Variants in POLR3E observed in about 807,000 individuals in gnomAD.
POLR3E encodes DNA-directed RNA polymerase III subunit RPC5.
In POLR3E, 41 loss-of-function variants were observed where a neutral mutation model predicts 96.6. That is an observed-to-expected ratio of 0.42 (90% confidence interval 0.33 to 0.55). The LOEUF (loss-of-function observed/expected upper bound fraction) is 0.55. Among genes scored for constraint, POLR3E ranks in the 20% least tolerant of loss-of-function variants. The pLI is 0.06. For synonymous variants in POLR3E, 396 were observed against 383.6 expected (o/e 1.03, Z -0.38); for missense variants, 849 against 952.1 (o/e 0.89, Z 1.43).
At chr16:22,297,899 A>AG (rs948481843) in intron 1 of POLR3E, among the ~76,000 whole-genome samples, 19 of 152,284 alleles carry the variant, frequency 1.2e-4, no homozygotes, top group South Asian at 2.1e-4. Context: ...GGGCGTGAGA[A>AG]GGGGGGCCTG....
At chr16:22,306,562 T>C (rs1410250271) in intron 3 of POLR3E, among the ~76,000 whole-genome samples, 1 of 152,224 alleles carries the variant, frequency 6.6e-6, no homozygotes, top group Non-Finnish European at 1.5e-5. Flanking sequence ...CAATATTTGA[T>C]CTTTTACTGA....
rs761953500 is a variant in POLR3E, at chr16:22,326,391, C to T, written c.1866+113C>T. 23 of 907,690 alleles carry T rather than the reference C, an allele frequency of 2.5e-5. No homozygotes were observed. In the South Asian group the frequency reaches 2.7e-4, roughly 11 times the overall value. 56.2% of individuals were successfully genotyped at this position (907,690 alleles called of 1,614,324 possible). ...CATGCTTGGTGAGCATCTGCTCTCA[C>T]GTGGGCCTAGGTGTGACATGGGCAA... On this transcript the variant is annotated intron_variant, in intron 18 of 20. Coordinates refer to ENST00000299853, the MANE Select transcript of POLR3E (RefSeq NM_018119.4).
intron 20 of POLR3E, among the ~76,000 whole-genome samples, chr16:22,332,967 CTTTTTTTTT>C (rs1166614906): frequency 5.5e-5 from 4 of 73,062 alleles, no homozygotes; most frequent in South Asian, 6.3e-4. Context: ...CGTAGACCCC[CTTTTTTTTT>C]TTTTTTTTTT....
rs2048479335 is a variant in POLR3E, at chr16:22,321,956, G to T, written c.987-894G>T. 2.6e-5 allele frequency among the ~76,000 whole-genome samples: 4 copies of T among 152,238 alleles called. No homozygotes were observed. The South Asian group carries it at 8.3e-4, about 31-fold the overall frequency. On this transcript the variant is annotated intron_variant, in intron 13 of 20. Transcript: ENST00000299853. Reference sequence around the variant, plus strand: ...GGCTAGACTGCTCGTTCTGTGCCATGGACCGGGCTCTCATTCAGACACTGC... The same window carrying T: ...GGCTAGACTGCTCGTTCTGTGCCATTGACCGGGCTCTCATTCAGACACTGC...
intron 6 of POLR3E, 46 bp downstream of exon 6, chr16:22,309,556 G>A (rs183530860): frequency 1.5e-6 from 2 of 1,335,916 alleles, no homozygotes; most frequent in Non-Finnish European, 2.2e-6. Flanking sequence ...GCATTGGGGG[G>A]GGCTGGGCAG....
intron 19 of POLR3E, among the ~76,000 whole-genome samples, chr16:22,331,091 G>A (rs552405901): frequency 2.9e-4 from 36 of 125,624 alleles, no homozygotes; most frequent in African/African-American, 5.8e-4. Flanking sequence ...TGCAACCTCC[G>A]CCTCAGCCTC....
At chr16:22,326,730 TAGTAG>T (rs2048603729) in intron 18 of POLR3E, 1 of 213,024 alleles carries the variant, frequency 4.7e-6, no homozygotes, top group Admixed American at 5.4e-5. Context: ...ACCTAGGAGG[TAGTAG>T]AGCTGGAATT....
chr16:22,299,729 T>G (rs1261976549), intron 1 of POLR3E, among the ~76,000 whole-genome samples: 1 of 151,966 alleles, frequency 6.6e-6, no homozygotes, highest in African/African-American at 2.4e-5. Flanking sequence ...TTCCCCCCAG[T>G]AGAGATCGAG....
intron 16 of POLR3E, 69 bp from the exon 17 acceptor site, chr16:22,325,136 G>A: frequency 8.1e-7 from 1 of 1,230,414 alleles, no homozygotes; most frequent in Non-Finnish European, 1.2e-6. Context: ...CTAAGGGGTG[G>A]TTGTTTCTCT....
intron 13 of POLR3E, among the ~76,000 whole-genome samples, chr16:22,319,405 GTT>G (rs756752910): frequency 6.9e-6 from 1 of 144,684 alleles, no homozygotes; most frequent in African/African-American, 2.5e-5. Context: ...TTGTTTTTTT[GTT>G]TTTTTTTTTG....
At chr16:22,298,521 C>T (rs988544224) in intron 1 of POLR3E, among the ~76,000 whole-genome samples, 10 of 152,186 alleles carry the variant, frequency 6.6e-5, no homozygotes, top group African/African-American at 2.2e-4. Flanking sequence ...CAAACCCAGA[C>T]AACTCAGGTG....
chr16:22,313,510 A>C lies in POLR3E; in HGVS notation c.365-110A>C. The C allele has an allele frequency of 1.9e-5, 13 of 677,452 alleles. No individual in the cohort carries two copies. The highest frequency in any genetic ancestry group is 2.9e-5 in the Non-Finnish European group (11 of 373,386). The allele number at this position is 677,452 out of a possible 1,614,324, so 42.0% of individuals were successfully genotyped here. The stretch of plus-strand genomic sequence containing the variant: ...TCTAGGATTGGGGGCTGCAGCGGGA[A>C]TGGGAGGCGGTTTGATGGTGGGCCT... On this transcript the variant is annotated intron_variant, in intron 6 of 20. Coordinates refer to ENST00000299853, the MANE Select transcript of POLR3E (RefSeq NM_018119.4). The surrounding 1 kb of genome is among the most constrained non-coding windows in gnomAD (Gnocchi z 4.1).
intron 1 of POLR3E, chr16:22,299,128 G>A: frequency 2.2e-6 from 1 of 447,548 alleles, no homozygotes; most frequent in Non-Finnish European, 4.5e-6. Context: ...TTAAAATAGG[G>A]TGGTCAGGGA....
intron 16 of POLR3E, 113 bp downstream of exon 16, chr16:22,324,773 A>C (rs1225547629): frequency 8.3e-7 from 1 of 1,200,424 alleles, no homozygotes; most frequent in Non-Finnish European, 1.2e-6. Flanking sequence ...ATCTGGGGAG[A>C]GCGCAGTTGG....
chr16:22,334,011 G>A lies in POLR3E; in HGVS notation c.*311G>A. 3.3e-6 allele frequency: 1 copy of A among 300,330 alleles called. No individual in the cohort carries two copies. Among genetic ancestry groups the A allele is most frequent in the Non-Finnish European group, 6.1e-6 (1 of 163,534 alleles). The allele number at this position is 300,330 out of a possible 1,614,324, so 18.6% of individuals were successfully genotyped here. On this transcript the variant is annotated 3_prime_UTR_variant, in exon 21 of 21. Coordinates refer to ENST00000299853, the MANE Select transcript of POLR3E (RefSeq NM_018119.4). ...ATAAAGAGAGTGTATACTGACATGG[G>A]CAGGATGATAAAAATCATGGTTTAA... is the stretch of plus-strand genomic sequence containing the variant.
chr16:22,315,259 GGTCATGGTGTGGCCTCCGT>G (rs1408241605), intron 9 of POLR3E, 51 bp downstream of exon 9: 83 of 1,540,464 alleles, frequency 5.4e-5, no homozygotes, highest in Non-Finnish European at 7.1e-5. Context: ...TGCCCGGAAG[GGTCATGGTGTGGCCTCCGT>G]GTCTCACCTT....
At chr16:22,330,697 C>T (rs1235244625) in intron 19 of POLR3E, among the ~76,000 whole-genome samples, 1 of 152,102 alleles carries the variant, frequency 6.6e-6, no homozygotes, top group Non-Finnish European at 1.5e-5. Context: ...GAGGAGTTGT[C>T]TGCATTCTTT....
At chr16:22,319,087 G>A (rs532114230) in intron 13 of POLR3E, 141 bp downstream of exon 13, 49 of 536,006 alleles carry the variant, frequency 9.1e-5, no homozygotes, top group Non-Finnish European at 2.6e-5. Context: ...CAACTCTCCT[G>A]CCTCAGCCTC....
At chr16:22,309,365 G>A (rs1209892894) in intron 5 of POLR3E, 63 bp from the exon 6 acceptor site, 9 of 1,235,048 alleles carry the variant, frequency 7.3e-6, no homozygotes, top group Non-Finnish European at 1.1e-5. Flanking sequence ...GGGGTGCGCT[G>A]TGGCCACAGG....
Sources: allele counts gnomAD v4.1 joint callset (sites outside exome capture counted in the v4.1 genomes callset), GRCh38; gene constraint gnomAD v4.1.1; non-coding constraint Gnocchi (gnomAD v3.1); transcripts MANE v1.5; gene names NCBI Gene and HGNC (gene_info 2026-07-23, HGNC 2026-07-21).